GALK2: variants seen among roughly 807,000 people sequenced by gnomAD.
GALK2 encodes the protein N-acetylgalactosamine kinase.
In GALK2, 36 loss-of-function variants were observed where a neutral mutation model predicts 52.4. The observed-to-expected ratio is 0.69, with a 90% confidence interval of 0.53 to 0.91. The LOEUF is 0.91. Ranked by LOEUF, GALK2 falls within the 40% of genes least tolerant of loss-of-function variation. GALK2 has a pLI of 0.00. For synonymous variants in GALK2, 176 were observed against 199.1 expected, an observed-to-expected ratio of 0.88 and a Z score of 0.98; for missense variants, 579 against 559.1, an observed-to-expected ratio of 1.04 and a Z score of -0.36.
intron 2 of GALK2, among the ~76,000 whole-genome samples, chr15:49,214,936 CTG>C (rs59788601): frequency 0.27 from 41,697 of 151,886 alleles, 6,199 homozygotes; most frequent in East Asian, 0.43. Flanking sequence ...AACCCCTCAG[CTG>C]TGTTTGTCTG....
intron 3 of GALK2, among the ~76,000 whole-genome samples, chr15:49,346,976 A>AT (rs1358950473): frequency 6.6e-6 from 1 of 152,196 alleles, no homozygotes; most frequent in Non-Finnish European, 1.5e-5. Flanking sequence ...TATCAAAAAC[A>AT]TTTTTTAAAA....
chr15:49,365,423 GCAAGCAA>G (rs2044976466), intron 3 of GALK2: 1 of 966,900 alleles, frequency 1.0e-6, no homozygotes, highest in African/African-American at 1.6e-5. Flanking sequence ...TCTACAGTAC[GCAAGCAA>G]CAGGCCTGTA....
At chr15:49,307,587 G>A (rs1416499584) in intron 8 of GALK2, among the ~76,000 whole-genome samples, 1 of 152,098 alleles carries the variant, frequency 6.6e-6, no homozygotes, top group African/African-American at 2.4e-5. Context: ...GTATGACCCT[G>A]GAGTTATTTA....
chr15:49,168,718 TAA>T (rs35361227), upstream of GALK2, among the ~76,000 whole-genome samples: 27 of 136,524 alleles, frequency 2.0e-4, no homozygotes, highest in East Asian at 4.2e-4. Flanking sequence ...AAACTCCATC[TAA>T]AAAAAAAAAA....
downstream of GALK2, among the ~76,000 whole-genome samples, chr15:49,336,704 A>C (rs1281087979): frequency 1.3e-5 from 2 of 152,260 alleles, no homozygotes; most frequent in Non-Finnish European, 2.9e-5. Context: ...TTTCTAAAAA[A>C]TAATTTCAAC....
chr15:49,156,030 T>C (rs1280577930), intron 1 of GALK2: 1 of 1,613,912 alleles, frequency 6.2e-7, no homozygotes, highest in African/African-American at 1.3e-5. Context: ...TTATTTCTGC[T>C]ATCATTGTAC....
chr15:49,326,254 C>CTT (rs2037462547), intron 9 of GALK2, among the ~76,000 whole-genome samples: 1 of 126,276 alleles, frequency 7.9e-6, no homozygotes, highest in African/African-American at 3.1e-5. Flanking sequence ...ATATGACAAC[C>CTT]ATTTTTTTTT....
At position 49,327,841 on chromosome 15, in the gene GALK2, C is replaced by T. The variant is rs183888863; in HGVS notation, c.1170-111C>T. 2.2e-4 allele frequency: 215 copies of T among 970,698 alleles called. 2 individuals carry two copies. The highest frequency in any genetic ancestry group is 1.6e-3 in the Admixed American group (59 of 36,358). The allele number at this position is 970,698 out of a possible 1,614,324, so 60.1% of individuals were successfully genotyped here. On this transcript the variant is annotated intron_variant, in intron 9 of 9. Coordinates refer to ENST00000560031, the MANE Select transcript of GALK2 (RefSeq NM_002044.4). ...AATGTTTGATGACACCTAAAAACCCCGCATGTATTTTCTTCTTAGAACTTA... is the reference window on the plus strand; with the variant it reads ...AATGTTTGATGACACCTAAAAACCCTGCATGTATTTTCTTCTTAGAACTTA...
intron 3 of GALK2, among the ~76,000 whole-genome samples, chr15:49,346,193 T>G (rs2041479583): frequency 6.6e-6 from 1 of 152,106 alleles, no homozygotes; most frequent in Non-Finnish European, 1.5e-5. Flanking sequence ...TTGGGCCAGC[T>G]CCTGTCCAAT....
intron 1 of GALK2, among the ~76,000 whole-genome samples, chr15:49,191,944 T>C (rs1316797110): frequency 6.6e-6 from 1 of 152,160 alleles, no homozygotes; most frequent in African/African-American, 2.4e-5. Context: ...TTTATATCAC[T>C]ATGGACTCGG....
chr15:49,298,219 G>C (rs1164442773), intron 8 of GALK2, among the ~76,000 whole-genome samples: 4 of 152,104 alleles, frequency 2.6e-5, no homozygotes, highest in Admixed American at 2.0e-4. Context: ...CTCTTAGCTT[G>C]GACATTACTG....
chr15:49,351,598 G>C (rs924724070), intron 3 of GALK2, among the ~76,000 whole-genome samples: 1 of 152,202 alleles, frequency 6.6e-6, no homozygotes, highest in Admixed American at 6.5e-5. Flanking sequence ...CCCAAGTTGG[G>C]TTTTCCGGAA....
chr15:49,206,559 T>G (rs1166233576), intron 2 of GALK2, among the ~76,000 whole-genome samples: 3 of 152,120 alleles, frequency 2.0e-5, no homozygotes, highest in African/African-American at 7.2e-5. Context: ...TTAGGTATAT[T>G]CCTGAGTATT....
intron 3 of GALK2, among the ~76,000 whole-genome samples, chr15:49,347,902 C>T (rs939248703): frequency 6.6e-6 from 1 of 151,582 alleles, no homozygotes; most frequent in African/African-American, 2.4e-5. Flanking sequence ...GCCTGTAGTC[C>T]CAGCTACTCG....
chr15:49,311,360 A>G (rs1219232332), intron 8 of GALK2, among the ~76,000 whole-genome samples: 2 of 152,236 alleles, frequency 1.3e-5, no homozygotes, highest in Non-Finnish European at 2.9e-5. Flanking sequence ...ACATCTTAGC[A>G]TGACATACAA....
chr15:49,166,697 C>T (rs752404145), upstream of GALK2, among the ~76,000 whole-genome samples: 12 of 151,994 alleles, frequency 7.9e-5, no homozygotes, highest in Non-Finnish European at 1.8e-4. Flanking sequence ...GCAACAAGAG[C>T]GAGACTTGGT....
chr15:49,222,496 T>G (rs1419538011), intron 3 of GALK2, among the ~76,000 whole-genome samples: 1 of 152,220 alleles, frequency 6.6e-6, no homozygotes, highest in Non-Finnish European at 1.5e-5. Flanking sequence ...AGGCTTCAAC[T>G]TTTCTTTATT....
Position 49,282,033 on chromosome 15 carries a change from C to G in GALK2, c.551C>G (p.Thr184Ser). The change falls in exon 6 of 10, where the codon ACT becomes AGT. Residue 184 changes from threonine (T) to serine (S), a missense_variant. Thr to Ser is a moderately conservative substitution (Grantham distance 58, BLOSUM62 1). Coordinates refer to ENST00000560031, the MANE Select transcript of GALK2 (RefSeq NM_002044.4). ...GCCAAGAGTGAGCGTTACATTGGCA[C>G]TGAAGGAGGAGGCATGGACCAGTCT... ...ICAKSERYIG[T>S]EGGGMDQSIS... 6.2e-7 allele frequency: 1 copy of G among 1,613,730 alleles called. No homozygotes were observed. Among genetic ancestry groups the G allele is most frequent in the Non-Finnish European group, 8.5e-7 (1 of 1,179,772 alleles).
At chr15:49,246,951 A>G (rs1379182784) in intron 5 of GALK2, among the ~76,000 whole-genome samples, 1 of 152,224 alleles carries the variant, frequency 6.6e-6, no homozygotes, top group Non-Finnish European at 1.5e-5. Flanking sequence ...TGGAGTTTCC[A>G]TATTGGCAGA....
Sources: allele counts gnomAD v4.1 joint callset (sites outside exome capture counted in the v4.1 genomes callset), GRCh38; gene constraint gnomAD v4.1.1; transcripts MANE v1.5; gene names NCBI Gene and HGNC (gene_info 2026-07-23, HGNC 2026-07-21).